KHDRBS2: variants seen among roughly 807,000 people sequenced by gnomAD.
KHDRBS2 encodes the protein KH domain-containing, RNA-binding, signal transduction-associated protein 2.
A neutral mutation model predicts 44.3 loss-of-function variants in KHDRBS2; 26 were observed. The observed-to-expected ratio is 0.59, with a 90% CI of 0.43 to 0.81. KHDRBS2 has a LOEUF of 0.81. Among genes scored for constraint, KHDRBS2 ranks in the 40% least tolerant of loss-of-function variants. KHDRBS2 has a pLI of 0.00. For missense variants in KHDRBS2, 476 were observed against 433.1 expected (o/e 1.10, Z -0.88); for synonymous variants, 194 against 151.1 (o/e 1.28, Z -2.08).
At chr6:62,196,306 C>A (rs889540349) in intron 1 of KHDRBS2, among the ~76,000 whole-genome samples, 1 of 152,140 alleles carries the variant, frequency 6.6e-6, no homozygotes, top group African/African-American at 2.4e-5. Flanking sequence ...ACAAATAGAC[C>A]TTCTTATTCA....
intron 2 of KHDRBS2, among the ~76,000 whole-genome samples, chr6:62,071,910 G>T (rs1795207094): frequency 6.6e-6 from 1 of 152,062 alleles, no homozygotes; most frequent in Non-Finnish European, 1.5e-5. Flanking sequence ...GGATGGCATT[G>T]AATCTATAAA....
the KHDRBS2 span, among the ~76,000 whole-genome samples, chr6:61,598,837 CTTTTT>C: frequency 2.4e-4 from 16 of 65,516 alleles, no homozygotes; most frequent in South Asian, 8.4e-4. Flanking sequence ...TTTTTCTTTT[CTTTTT>C]TTTTTTTTTT....
At chr6:61,615,233 CAAAAAAAAA>C in the KHDRBS2 span, among the ~76,000 whole-genome samples, 5 of 58,594 alleles carry the variant, frequency 8.5e-5, no homozygotes, top group Admixed American at 2.6e-4. Flanking sequence ...ACTCCATCTC[CAAAAAAAAA>C]AAAAAAAAAG....
At chr6:61,905,901 G>T (rs981566441) in intron 4 of KHDRBS2, among the ~76,000 whole-genome samples, 1 of 135,794 alleles carries the variant, frequency 7.4e-6, no homozygotes, top group Non-Finnish European at 1.5e-5. Flanking sequence ...TATCGCTCAG[G>T]CTGGAGTGCA....
At chr6:62,016,890 C>A (rs1176665814) in intron 3 of KHDRBS2, among the ~76,000 whole-genome samples, 1 of 151,974 alleles carries the variant, frequency 6.6e-6, no homozygotes, top group African/African-American at 2.4e-5. Context: ...AGTCAGTAAA[C>A]CCTTTGTTTC....
In KHDRBS2 at chr6:62,137,362, T is replaced by G. The variant is rs533109978; in HGVS notation, c.219+39823A>C. Among the ~76,000 whole-genome samples the G allele has an allele frequency of 2.6e-5, 4 of 152,304 alleles. No individual in the cohort carries two copies. In the South Asian group the frequency reaches 8.3e-4, roughly 32 times the overall value. ...TTGTGCCTAATTGTTCTTTTAGATT[T>G]CTGGCATGTAAATAGACATGCCAGA... On this transcript the variant is annotated intron_variant, in intron 2 of 8. Transcript: ENST00000281156.
the KHDRBS2 span, among the ~76,000 whole-genome samples, chr6:61,593,439 C>T: frequency 6.7e-6 from 1 of 148,436 alleles, no homozygotes; most frequent in South Asian, 2.1e-4. Flanking sequence ...TAAAAAGCCA[C>T]AATGAGCTGG....
At chr6:62,261,238 C>A (rs1173724766) in intron 1 of KHDRBS2, among the ~76,000 whole-genome samples, 1 of 151,870 alleles carries the variant, frequency 6.6e-6, no homozygotes, top group East Asian at 1.9e-4. Context: ...GCATAAATTT[C>A]TTCATGATTT....
intron 1 of KHDRBS2, among the ~76,000 whole-genome samples, chr6:62,250,771 GA>G (rs1325703421): frequency 6.6e-6 from 1 of 151,592 alleles, no homozygotes; most frequent in African/African-American, 2.4e-5. Context: ...TTGTAAGGGA[GA>G]AAAAAATATT....
At chr6:62,089,994 G>A (rs185756823) in intron 2 of KHDRBS2, among the ~76,000 whole-genome samples, 8 of 152,248 alleles carry the variant, frequency 5.3e-5, no homozygotes, top group Admixed American at 3.3e-4. Context: ...CCACACAGGC[G>A]AAAATGATTC....
chr6:62,045,952 A>G (rs2127304495), intron 3 of KHDRBS2, among the ~76,000 whole-genome samples: 1 of 150,484 alleles, frequency 6.6e-6, no homozygotes, highest in South Asian at 2.1e-4. Flanking sequence ...AGTGGAACAA[A>G]AAAAAAAAAG....
At chr6:61,577,674 T>A in the KHDRBS2 span, among the ~76,000 whole-genome samples, 2 of 152,184 alleles carry the variant, frequency 1.3e-5, no homozygotes, top group Non-Finnish European at 2.9e-5. Context: ...AATATACTAA[T>A]AACTGAAATG....
Position 61,978,223 on chromosome 6 carries a change from G to A in KHDRBS2, c.337-11C>T. 6.3e-7 allele frequency: 1 copy of A among 1,595,450 alleles called. No individual in the cohort carries two copies. Among genetic ancestry groups the A allele is most frequent in the Non-Finnish European group, 8.5e-7 (1 of 1,171,118 alleles). On this transcript the variant is annotated splice_polypyrimidine_tract_variant and intron_variant, in intron 3 of 8. Transcript: ENST00000281156. ...CCTTAGTTCTTCTTCCTGTGAAAAA[G>A]GTTATTTTTAGAAATACAAATCCAC...
chr6:62,096,643 G>C (rs1446909399), intron 2 of KHDRBS2, among the ~76,000 whole-genome samples: 3 of 151,540 alleles, frequency 2.0e-5, no homozygotes, highest in African/African-American at 4.8e-5. Flanking sequence ...AGTCAATTTT[G>C]TTTATCTTTT....
chr6:62,073,523 C>A (rs928047682), intron 2 of KHDRBS2, among the ~76,000 whole-genome samples: 1 of 114,348 alleles, frequency 8.7e-6, no homozygotes, highest in East Asian at 2.5e-4. Context: ...TGATTTTTTT[C>A]TTTTTTCTTT....
chr6:61,805,922 A>T (rs1297276189), intron 6 of KHDRBS2, among the ~76,000 whole-genome samples: 1 of 152,212 alleles, frequency 6.6e-6, no homozygotes, highest in African/African-American at 2.4e-5. Flanking sequence ...TGTTTCAGAG[A>T]GAGGAACATA....
intron 3 of KHDRBS2, among the ~76,000 whole-genome samples, chr6:61,987,619 T>C (rs1299029927): frequency 6.6e-6 from 1 of 152,208 alleles, no homozygotes; most frequent in African/African-American, 2.4e-5. Context: ...TTATTATTTA[T>C]ACCTTAGCCT....
chr6:61,594,992 A>G, the KHDRBS2 span, among the ~76,000 whole-genome samples: 73 of 152,210 alleles, frequency 4.8e-4, 2 homozygotes, highest in South Asian at 9.3e-3. Context: ...GTTCCCAAAT[A>G]ATCAAAAGAC....
At chr6:61,620,526 GT>G in the KHDRBS2 span, among the ~76,000 whole-genome samples, 6 of 152,314 alleles carry the variant, frequency 3.9e-5, no homozygotes, top group East Asian at 1.2e-3. Flanking sequence ...GTTCTGTGAA[GT>G]TACTCAATGT....
Sources: allele counts gnomAD v4.1 joint callset (sites outside exome capture counted in the v4.1 genomes callset), GRCh38; gene constraint gnomAD v4.1.1; transcripts MANE v1.5; gene names NCBI Gene and HGNC (gene_info 2026-07-23, HGNC 2026-07-21).